TAB1: variants seen among roughly 807,000 people sequenced by gnomAD.
TAB1 encodes TGF-beta activated kinase 1 (MAP3K7) binding protein 1.
In TAB1, 30 loss-of-function variants were observed where a neutral mutation model predicts 54.5. The ratio of observed to expected loss-of-function variants is 0.55; its 90% confidence interval spans 0.41 to 0.75. The LOEUF (loss-of-function observed/expected upper bound fraction) is 0.75. Ranked by LOEUF, TAB1 falls within the 30% of genes least tolerant of loss-of-function variation. The pLI is 0.00. For synonymous variants in TAB1, 289 were observed against 286.9 expected, an observed-to-expected ratio of 1.01 and a Z score of -0.07; for missense variants, 609 against 683.2, an observed-to-expected ratio of 0.89 and a Z score of 1.21.
At chr22:39,402,767 G>A (rs1281569138) in intron 1 of TAB1, among the ~76,000 whole-genome samples, 1 of 152,188 alleles carries the variant, frequency 6.6e-6, no homozygotes. Context: ...GCCTAGGCTG[G>A]TCATGAACTC....
intron 1 of TAB1, 105 bp downstream of exon 1, chr22:39,399,940 CGTG>C: frequency 8.0e-7 from 1 of 1,256,288 alleles, no homozygotes; most frequent in Non-Finnish European, 1.1e-6. Flanking sequence ...CCACCCTCTC[CGTG>C]GTGGGGTGTG....
chr22:39,427,348 T>A (rs548580085), intron 9 of TAB1, among the ~76,000 whole-genome samples: 4 of 152,352 alleles, frequency 2.6e-5, no homozygotes, highest in African/African-American at 9.6e-5. Context: ...TGAAGGGACC[T>A]GGAAGAGATT....
At chr22:39,432,643 C>CGAGA (rs142123452), downstream of TAB1, 2 of 641,956 alleles carry the variant, frequency 3.1e-6, no homozygotes, top group Non-Finnish European at 3.9e-6. Context: ...CCCTGCCACC[C>CGAGA]GAGAGAGAGA....
chr22:39,416,862 G>A lies in TAB1; in HGVS notation c.396G>A (p.Gln132=), dbSNP rs749107581. The change falls in exon 4 of 11, where the codon CAG becomes CAA. Residue 132 remains glutamine (Q), a synonymous_variant. Transcript: ENST00000216160. ...DDALAEKASL[Q]SQLPEGVPQH... is the part of the protein sequence containing the mutation. ...CCTTGGCTGAGAAGGCAAGCCTCCA[G>A]TCGCAATTGCCAGAGGTAATTTCCC... The A allele has an allele frequency of 1.2e-6, 2 of 1,614,238 alleles. No individual in the cohort carries two copies. Among genetic ancestry groups the A allele is most frequent in the South Asian group, 2.2e-5 (2 of 91,090 alleles).
downstream of TAB1, chr22:39,433,940 G>C (rs1927684985): frequency 1.9e-6 from 1 of 536,228 alleles, no homozygotes; most frequent in Admixed American, 6.8e-5. Flanking sequence ...CTCTCAGCCT[G>C]TATCCGTGTC....
At chr22:39,414,014 G>A (rs919108268) in intron 1 of TAB1, among the ~76,000 whole-genome samples, 4 of 152,188 alleles carry the variant, frequency 2.6e-5, no homozygotes, top group East Asian at 1.9e-4. Flanking sequence ...GGCCTGGACC[G>A]CTGTGTGAGC....
intron 8 of TAB1, among the ~76,000 whole-genome samples, chr22:39,425,950 T>C (rs1173007771): frequency 6.6e-6 from 1 of 151,588 alleles, no homozygotes; most frequent in African/African-American, 2.4e-5. Context: ...CTCCGTCTCC[T>C]GGGCTCAAGC....
Position 39,430,600 on chromosome 22 carries a change from C to A in TAB1, c.*378C>A, listed in dbSNP as rs1382926032. The A allele has an allele frequency of 2.7e-6, 3 of 1,126,364 alleles. No homozygotes were observed. In the African/African-American group the frequency reaches 4.8e-5, roughly 18 times the overall value. 69.8% of individuals were successfully genotyped at this position (1,126,364 alleles called of 1,614,324 possible). ...CCTGAGTGTTGCAGGCCCAGCAGAC[C>A]CTGCTGTCCCAAGCCCACCCCTCCT... On this transcript the variant is annotated 3_prime_UTR_variant, in exon 11 of 11. Transcript: ENST00000216160.
intron 9 of TAB1, among the ~76,000 whole-genome samples, chr22:39,427,659 T>C (rs903054263): frequency 6.6e-6 from 1 of 152,252 alleles, no homozygotes; most frequent in African/African-American, 2.4e-5. Context: ...TTCTCTGGCC[T>C]GTTTTTATTG....
At chr22:39,424,267 A>G (rs1315608276) in intron 8 of TAB1, among the ~76,000 whole-genome samples, 1 of 152,114 alleles carries the variant, frequency 6.6e-6, no homozygotes, top group Non-Finnish European at 1.5e-5. Context: ...GGCTGGTTCC[A>G]CATCTTTGCA....
chr22:39,410,591 GGGTTT>G (rs953158674), intron 1 of TAB1, among the ~76,000 whole-genome samples: 5 of 151,306 alleles, frequency 3.3e-5, no homozygotes, highest in African/African-American at 9.7e-5. Flanking sequence ...TCCATTAGTA[GGGTTT>G]GGTTATACTG....
intron 1 of TAB1, among the ~76,000 whole-genome samples, chr22:39,404,474 G>A (rs946177438): frequency 3.3e-5 from 5 of 151,868 alleles, no homozygotes; most frequent in African/African-American, 1.2e-4. Flanking sequence ...AGACTTAATG[G>A]GGTGATTGCC....
At chr22:39,418,486 ATC>A (rs1926933442) in intron 5 of TAB1, among the ~76,000 whole-genome samples, 1 of 152,150 alleles carries the variant, frequency 6.6e-6, no homozygotes, top group African/African-American at 2.4e-5. Context: ...TTCAGTCTGT[ATC>A]TCTAGAGAAG....
At chr22:39,422,883 G>C (rs543382506) in intron 8 of TAB1, among the ~76,000 whole-genome samples, 43 of 152,086 alleles carry the variant, frequency 2.8e-4, no homozygotes, top group South Asian at 2.3e-3. Context: ...GTCTTTCCCT[G>C]ACCTCCTTGG....
intron 1 of TAB1, among the ~76,000 whole-genome samples, chr22:39,414,315 G>A (rs191688044): frequency 3.0e-4 from 45 of 152,334 alleles, no homozygotes; most frequent in Admixed American, 2.7e-3. Context: ...ATTTGGGACT[G>A]GGAGGGAAGG....
intron 1 of TAB1, among the ~76,000 whole-genome samples, chr22:39,405,165 G>C (rs1926308319): frequency 2.0e-5 from 3 of 152,172 alleles, no homozygotes; most frequent in Admixed American, 2.0e-4. Flanking sequence ...ACTTTGAGAT[G>C]AGTCTGTGTG....
At chr22:39,417,050 G>C (rs1009197399) in intron 4 of TAB1, among the ~76,000 whole-genome samples, 173 bp downstream of exon 4, 1 of 152,248 alleles carries the variant, frequency 6.6e-6, no homozygotes, top group African/African-American at 2.4e-5. Flanking sequence ...CTGCTCTGCT[G>C]TGGGCAGCTG....
At chr22:39,425,967 C>T (rs1365512105) in intron 8 of TAB1, among the ~76,000 whole-genome samples, 8 of 151,006 alleles carry the variant, frequency 5.3e-5, no homozygotes, top group African/African-American at 1.9e-4. Context: ...AAGCAATTCT[C>T]CTGCCTCAGC....
chr22:39,431,944 C>T, downstream of TAB1: 1 of 902,142 alleles, frequency 1.1e-6, no homozygotes, highest in Non-Finnish European at 1.3e-6. Context: ...CGCCTCCCCT[C>T]TTCACTGCCC....
Sources: allele counts gnomAD v4.1 joint callset (sites outside exome capture counted in the v4.1 genomes callset), GRCh38; gene constraint gnomAD v4.1.1; transcripts MANE v1.5; gene names NCBI Gene and HGNC (gene_info 2026-07-23, HGNC 2026-07-21).